The following OAT variants were observed in gnomAD, a reference collection of about 807,000 sequenced individuals.
OAT encodes ornithine aminotransferase, also known as ornithine aminotransferase, mitochondrial.
A neutral mutation model predicts 48.4 loss-of-function variants in OAT; 35 were observed. The ratio of observed to expected loss-of-function variants is 0.72; its 90% CI spans 0.55 to 0.96. OAT has a LOEUF of 0.96. OAT is among the 40% of genes least tolerant of loss of function. OAT has a pLI of 0.00. For missense variants in OAT, 438 were observed against 537.9 expected, an observed-to-expected ratio of 0.81 and a Z score of 1.84; for synonymous variants, 182 against 198.4, an observed-to-expected ratio of 0.92 and a Z score of 0.70.
intron 1 of OAT, among the ~76,000 whole-genome samples, chr10:124,417,283 C>CTTTTTTT (rs59171918): frequency 1.5e-4 from 13 of 87,046 alleles, no homozygotes; most frequent in African/African-American, 2.0e-4. Flanking sequence ...AAACTATAAG[C>CTTTTTTT]TTTTTTTTTT....
chr10:124,414,973 G>A (rs1354981579), intron 1 of OAT: 2 of 145,548 alleles, frequency 1.4e-5, no homozygotes, highest in African/African-American at 2.5e-5. Context: ...TGGTACTTAG[G>A]AGACTAAGAC....
intron 9 of OAT, among the ~76,000 whole-genome samples, chr10:124,399,492 C>T (rs917991011): frequency 6.6e-6 from 1 of 151,816 alleles, no homozygotes; most frequent in Non-Finnish European, 1.5e-5. Context: ...ACTACAGGCA[C>T]CCACCACCTC....
rs143526711 is a variant in OAT, at chr10:124,412,124, G to A, written c.48C>T (p.Arg16=). 216 of 1,614,116 alleles carry A rather than the reference G, an allele frequency of 1.3e-4. No homozygotes were observed. In the African/African-American group the frequency reaches 1.9e-3, roughly 14 times the overall value. The change falls in exon 2 of 10, where the codon CGC becomes CGT. Residue 16 remains arginine (R), a synonymous_variant. Transcript: ENST00000368845. ...CAGAAGCCACTGAAGAATGAACTCC[G>A]CGACTAAGTACAGCAAACCTCTGCA... ...AHLQRFAVLS[R]GVHSSVASAT... is the part of the protein sequence containing the mutation.
chr10:124,410,869 G>A (rs997384331), intron 2 of OAT, among the ~76,000 whole-genome samples: 5 of 151,982 alleles, frequency 3.3e-5, no homozygotes, highest in South Asian at 2.1e-4. Flanking sequence ...GGCGGGGCGC[G>A]GTGGCTCACG....
chr10:124,399,283 C>T (rs1250404619), intron 9 of OAT, among the ~76,000 whole-genome samples: 1 of 151,400 alleles, frequency 6.6e-6, no homozygotes, highest in Non-Finnish European at 1.5e-5. Context: ...AAATCAGAAT[C>T]CCTGGGGTAA....
chr10:124,413,267 TACACACAC>T (rs58272470), intron 1 of OAT, among the ~76,000 whole-genome samples: 3,921 of 134,650 alleles, frequency 0.029, 171 homozygotes, highest in African/African-American at 0.097. Flanking sequence ...CATAAATACA[TACACACAC>T]ACACACACAC....
intron 1 of OAT, among the ~76,000 whole-genome samples, chr10:124,417,319 CTG>C (rs2134510471): frequency 8.6e-6 from 1 of 116,600 alleles, no homozygotes; most frequent in South Asian, 3.0e-4. Flanking sequence ...GAGACGGAGT[CTG>C]TCGCCCAGGC....
At chr10:124,401,242 C>T (rs893059512) in intron 8 of OAT, among the ~76,000 whole-genome samples, 2 of 152,344 alleles carry the variant, frequency 1.3e-5, no homozygotes, top group East Asian at 3.9e-4. Context: ...AACTCACATA[C>T]TGTCATTAAT....
intron 1 of OAT, among the ~76,000 whole-genome samples, chr10:124,416,848 T>C (rs909822583): frequency 8.2e-5 from 12 of 146,494 alleles, no homozygotes; most frequent in African/African-American, 2.8e-4. Flanking sequence ...GAGGTAACCA[T>C]TCACAAATAC....
chr10:124,401,737 C>T lies in OAT; in HGVS notation c.1003G>A (p.Ala335Thr), dbSNP rs751075605. 3 of 1,610,244 alleles carry T rather than the reference C, an allele frequency of 1.9e-6. No individual in the cohort carries two copies. Among genetic ancestry groups the T allele is most frequent in the Non-Finnish European group, 2.5e-6 (3 of 1,177,228 alleles). ...GTATCAGTCTTTACCTCAAGGGCTG[C>T]GATGGCCACTCGGCAGCCTAGTGGA... The part of the protein sequence containing the change: ...GNPLGCRVAI[A>T]ALEVLEEENL... Residue 335 changes from alanine to threonine, a missense_variant, in exon 8 of 10, where the codon GCA becomes ACA. Transcript: ENST00000368845.
At chr10:124,411,867 C>T in intron 2 of OAT, 106 bp downstream of exon 2, 1 of 895,112 alleles carries the variant, frequency 1.1e-6, no homozygotes, top group Non-Finnish European at 1.8e-6. Context: ...CTGCAATATA[C>T]ACATTAAACA....
In OAT at chr10:124,408,535, C is replaced by T. The variant is rs369858071; in HGVS notation, c.520+7G>A. 2.1e-5 allele frequency: 33 copies of T among 1,600,832 alleles called. No individual in the cohort carries two copies. Among genetic ancestry groups the T allele is most frequent in the Non-Finnish European group, 2.6e-5 (30 of 1,170,382 alleles). ...AATCATAGAAGTTAATATTTAATTT[C>T]ACATACCTGCAAAAACAATCTTTGC... On this transcript the variant is annotated splice_region_variant and intron_variant, in intron 4 of 9. Transcript: ENST00000368845.
At chr10:124,415,074 TAAAAAAAAAAAAAAAAAAAAAAA>T (rs75952005) in intron 1 of OAT, 3 of 16,858 alleles carry the variant, frequency 1.8e-4, no homozygotes, top group South Asian at 2.8e-3. Context: ...TACAAAGCGC[TAAAAAAAAAAAAAAAAAAAAAAA>T]AAAAAAAAAA....
chr10:124,407,071 T>C, intron 4 of OAT: 3 of 985,460 alleles, frequency 3.0e-6, no homozygotes, highest in Non-Finnish European at 3.6e-6. Context: ...GATTATCGTA[T>C]TTTGGCTTCA....
At chr10:124,414,569 G>A (rs1221190878) in intron 1 of OAT, 1 of 152,160 alleles carries the variant, frequency 6.6e-6, no homozygotes, top group Non-Finnish European at 1.5e-5. Flanking sequence ...CCAACTGGAG[G>A]TAGCTGCTAG....
chr10:124,401,184 TA>T (rs1400075689), intron 8 of OAT, among the ~76,000 whole-genome samples, 200 bp from the exon 9 acceptor site: 1 of 152,234 alleles, frequency 6.6e-6, no homozygotes, highest in Non-Finnish European at 1.5e-5. Context: ...ATCACAAATC[TA>T]TTGCCAATCA....
chr10:124,418,887 G>A lies in OAT; in HGVS notation c.-44C>T, dbSNP rs536244302. The A allele has an allele frequency of 2.6e-5, 4 of 152,394 alleles. No homozygotes were observed. Among genetic ancestry groups the A allele is most frequent in the East Asian group, 1.9e-4 (1 of 5,166 alleles). 9.4% of individuals were successfully genotyped at this position (152,394 alleles called of 1,614,324 possible). On this transcript the variant is annotated 5_prime_UTR_variant, in exon 1 of 10. Transcript: ENST00000368845. ...CCAGACGGTACCTGACAGCGCCTGAGGACAACCGGGTACACGCGGCGTCTA... is the reference window on the plus strand; with the variant it reads ...CCAGACGGTACCTGACAGCGCCTGAAGACAACCGGGTACACGCGGCGTCTA...
At chr10:124,418,627 C>G (rs1045806919) in intron 1 of OAT, among the ~76,000 whole-genome samples, 5 of 152,150 alleles carry the variant, frequency 3.3e-5, no homozygotes, top group Admixed American at 3.3e-4. Context: ...GGTCGCCACG[C>G]CCCTGCCCCC....
chr10:124,401,683 T>C lies in OAT; in HGVS notation c.1014+43A>G, dbSNP rs111754147. 2.5e-4 allele frequency: 327 copies of C among 1,315,530 alleles called. No individual in the cohort carries two copies. The Middle Eastern group carries it at 2.5e-3, about 10-fold the overall frequency. The allele number at this position is 1,315,530 out of a possible 1,614,324, so 81.5% of individuals were successfully genotyped here. ...GCCCAAATTAAAAATCACTTCAACA[T>C]TGCTTTAAAGAATAGACACTGTGTG... On this transcript the variant is annotated intron_variant, in intron 8 of 9. Coordinates refer to ENST00000368845, the MANE Select transcript of OAT (RefSeq NM_000274.4).
Sources: allele counts gnomAD v4.1 joint callset (sites outside exome capture counted in the v4.1 genomes callset), GRCh38; gene constraint gnomAD v4.1.1; transcripts MANE v1.5; gene names NCBI Gene and HGNC (gene_info 2026-07-23, HGNC 2026-07-21).